The following XIRP2 variants were observed in gnomAD, a reference collection of about 807,000 sequenced individuals.
XIRP2 encodes the protein xin actin binding repeat containing 2.
A neutral mutation model predicts 277.0 loss-of-function variants in XIRP2; 236 were observed. The ratio of observed to expected loss-of-function variants is 0.85; its 90% CI spans 0.77 to 0.95. XIRP2 has a LOEUF of 0.95. XIRP2 is among the 40% of genes least tolerant of loss of function. The probability of loss-of-function intolerance (pLI) is 0.00; values close to 1 mark genes in which losing one functional copy is unlikely to be tolerated. For missense variants in XIRP2, 4,640 were observed against 4,157.5 expected (o/e 1.12, Z -3.19); for synonymous variants, 1,490 against 1,416.5 (o/e 1.05, Z -1.17).
In XIRP2 at chr2:167,179,493, T is replaced by G. The variant is rs1409402389; in HGVS notation, c.563-31242T>G. Among the ~76,000 whole-genome samples, 4 of 152,034 alleles carry G rather than the reference T, an allele frequency of 2.6e-5. No homozygotes were observed. In the East Asian group the frequency reaches 5.8e-4, roughly 22 times the overall value. On this transcript the variant is annotated intron_variant, in intron 3 of 10. Coordinates refer to ENST00000409195, the MANE Select transcript of XIRP2 (RefSeq NM_152381.6). ...GCACCACCACACCTGGCTAATTTTT[T>G]GTATCTTTAGTAGTGACAGGGTTTC... is the stretch of plus-strand genomic sequence containing the variant.
At position 167,244,104 on chromosome 2, in the gene XIRP2, A is replaced by C. The variant is rs1559038483; in HGVS notation, c.2712A>C (p.Glu904Asp). The C allele has an allele frequency of 3.1e-6, 5 of 1,614,024 alleles. No individual in the cohort carries two copies. The highest frequency in any genetic ancestry group is 3.4e-6 in the Non-Finnish European group (4 of 1,179,938). The change falls in exon 9 of 11, where the codon GAA (glutamate) becomes GAC (aspartate). Residue 904 changes from glutamate to aspartate, a missense_variant. Transcript: ENST00000409195. Reference sequence around the variant, plus strand: ...TTCAAAAAATCACTGCCTCTGAAGAAGAAAAAGGGGATGTTAGGCATCAAA... The same window carrying C: ...TTCAAAAAATCACTGCCTCTGAAGACGAAAAAGGGGATGTTAGGCATCAAA... ...GKLQKITASE[E>D]EKGDVRHQKW...
rs748216104 is a variant in XIRP2 at position 167,241,824 on chromosome 2, T to C, written c.1090T>C (p.Leu364=). ...DEEIPKVSTK[L]LKEQFEKSAQ... is the part of the protein sequence containing the mutation. The stretch of plus-strand genomic sequence containing the variant: ...AGAGATTCCAAAGGTTTCGACTAAG[T>C]TGTTAAAAGAGCAGTTTGAAAAGTC... Residue 364 remains leucine, a synonymous_variant, in exon 8 of 11, where the codon TTG becomes CTG. Transcript: ENST00000409195. The C allele has an allele frequency of 6.8e-6, 11 of 1,613,570 alleles. No individual in the cohort carries two copies. In the Admixed American group the frequency reaches 1.5e-4, roughly 22 times the overall value.
intron 5 of XIRP2, among the ~76,000 whole-genome samples, chr2:167,230,152 A>G (rs1357897333): frequency 1.3e-5 from 2 of 151,894 alleles, no homozygotes; most frequent in Non-Finnish European, 2.9e-5. Context: ...ATTCTGTAGC[A>G]TTTGAAATTT....
chr2:167,115,559 T>C (rs768146977), intron 2 of XIRP2, among the ~76,000 whole-genome samples: 51 of 152,322 alleles, frequency 3.3e-4, no homozygotes, highest in Non-Finnish European at 5.4e-4. Flanking sequence ...GTTGGGGGTT[T>C]GATTACAGTA....
At chr2:167,077,507 A>T (rs1016638912) in intron 2 of XIRP2, among the ~76,000 whole-genome samples, 1 of 152,222 alleles carries the variant, frequency 6.6e-6, no homozygotes, top group Non-Finnish European at 1.5e-5. Flanking sequence ...ATAGAATTTC[A>T]TAAATTCTAT....
chr2:166,908,970 G>A (rs1001305933), intron 2 of XIRP2, among the ~76,000 whole-genome samples: 21 of 152,118 alleles, frequency 1.4e-4, no homozygotes, highest in South Asian at 4.2e-4. Context: ...TGTTCCATTG[G>A]TCTATATCTC....
intron 2 of XIRP2, among the ~76,000 whole-genome samples, chr2:167,118,182 A>T (rs922658210): frequency 1.3e-5 from 2 of 152,140 alleles, no homozygotes; most frequent in Non-Finnish European, 2.9e-5. Context: ...TCAATTAATT[A>T]TAAAAGGGCT....
chr2:167,073,483 A>G (rs573276200), intron 2 of XIRP2, among the ~76,000 whole-genome samples: 1 of 152,218 alleles, frequency 6.6e-6, no homozygotes, highest in East Asian at 1.9e-4. Flanking sequence ...AATCTATTTC[A>G]GTGGGTCTGT....
At chr2:167,090,690 A>G (rs1190352091) in intron 2 of XIRP2, among the ~76,000 whole-genome samples, 3 of 152,110 alleles carry the variant, frequency 2.0e-5, no homozygotes, top group African/African-American at 7.2e-5. Context: ...GAGAAGGTCA[A>G]AGGGAAAGGG....
chr2:166,940,187 T>G (rs1685664387), intron 2 of XIRP2, among the ~76,000 whole-genome samples: 2 of 152,230 alleles, frequency 1.3e-5, no homozygotes, highest in Non-Finnish European at 2.9e-5. Context: ...TCAGTTCATT[T>G]CCTTCATTTG....
At chr2:167,080,909 GT>G (rs1689710052) in intron 2 of XIRP2, among the ~76,000 whole-genome samples, 1 of 151,984 alleles carries the variant, frequency 6.6e-6, no homozygotes. Context: ...AATATTAGAT[GT>G]AAAAATTTTG....
At chr2:167,059,490 T>TAAAAC (rs1558964998) in intron 2 of XIRP2, among the ~76,000 whole-genome samples, 5 of 151,586 alleles carry the variant, frequency 3.3e-5, no homozygotes, top group African/African-American at 9.7e-5. Context: ...TAAAATAAAA[T>TAAAAC]AAAACCTGTT....
chr2:167,106,254 G>A (rs1466348531), intron 2 of XIRP2, among the ~76,000 whole-genome samples: 30 of 151,340 alleles, frequency 2.0e-4, no homozygotes, highest in Admixed American at 2.0e-3. Context: ...TCCTCACCCT[G>A]GATTCTGAAG....
chr2:167,065,671 A>G (rs1689284958), intron 2 of XIRP2, among the ~76,000 whole-genome samples: 1 of 151,992 alleles, frequency 6.6e-6, no homozygotes, highest in African/African-American at 2.4e-5. Context: ...CCACACTGTC[A>G]TAATTTCGGG....
intron 2 of XIRP2, among the ~76,000 whole-genome samples, chr2:167,094,257 T>C (rs1346975289): frequency 6.6e-6 from 1 of 152,154 alleles, no homozygotes; most frequent in African/African-American, 2.4e-5. Flanking sequence ...TTTTCTCCCA[T>C]TCTGTAGGTT....
At chr2:167,047,572 T>C (rs1028462606) in intron 2 of XIRP2, among the ~76,000 whole-genome samples, 1 of 151,852 alleles carries the variant, frequency 6.6e-6, no homozygotes, top group Non-Finnish European at 1.5e-5. Flanking sequence ...TATTCAGAAA[T>C]ATGGAGGATA....
intron 2 of XIRP2, among the ~76,000 whole-genome samples, chr2:166,983,003 T>C (rs1686914101): frequency 6.6e-6 from 1 of 152,196 alleles, no homozygotes; most frequent in Non-Finnish European, 1.5e-5. Flanking sequence ...GTTTGAGTCT[T>C]GGCTATTTTG....
intron 3 of XIRP2, among the ~76,000 whole-genome samples, chr2:167,147,051 G>A (rs1017896305): frequency 2.6e-5 from 4 of 152,186 alleles, no homozygotes; most frequent in Admixed American, 2.0e-4. Flanking sequence ...ATACACACAT[G>A]TTAAAACAAA....
chr2:167,137,069 C>T (rs1691574525), intron 3 of XIRP2, among the ~76,000 whole-genome samples: 1 of 152,152 alleles, frequency 6.6e-6, no homozygotes, highest in African/African-American at 2.4e-5. Flanking sequence ...GATTCATGTG[C>T]ACATTAAAGT....
Sources: allele counts gnomAD v4.1 joint callset (sites outside exome capture counted in the v4.1 genomes callset), GRCh38; gene constraint gnomAD v4.1.1; transcripts MANE v1.5; gene names NCBI Gene and HGNC (gene_info 2026-07-23, HGNC 2026-07-21).